Variants in PCDHGB3 observed in about 807,000 individuals in gnomAD.
The protein encoded by PCDHGB3 is protocadherin gamma subfamily B, 3.
A neutral mutation model predicts 59.2 loss-of-function variants in PCDHGB3; 40 were observed. The ratio of observed to expected loss-of-function variants is 0.68; its 90% CI spans 0.52 to 0.88. The LOEUF is 0.88. PCDHGB3 is among the 40% of genes least tolerant of loss of function. PCDHGB3 has a pLI of 0.00. For missense variants in PCDHGB3, 1,309 were observed against 1,187.9 expected, an observed-to-expected ratio of 1.10 and a Z score of -1.50; for synonymous variants, 581 against 503.6, an observed-to-expected ratio of 1.15 and a Z score of -2.06.
At chr5:141,437,764 A>G (rs1408729040) in intron 1 of PCDHGB3, among the ~76,000 whole-genome samples, 1 of 149,226 alleles carries the variant, frequency 6.7e-6, no homozygotes, top group Non-Finnish European at 1.5e-5. Flanking sequence ...TTTGAGACAG[A>G]GTCTCAATCT....
chr5:141,413,051 C>T (rs1316813444), intron 1 of PCDHGB3: 1 of 952,822 alleles, frequency 1.0e-6, no homozygotes, highest in African/African-American at 1.7e-5. Context: ...TGCAGGGAAG[C>T]TCACTCCAGA....
At chr5:141,411,227 G>A (rs1276536852) in intron 1 of PCDHGB3, 1 of 152,092 alleles carries the variant, frequency 6.6e-6, no homozygotes, top group Non-Finnish European at 1.5e-5. Context: ...TCAAATTTGC[G>A]AAGACTTAGT....
chr5:141,465,778 A>G (rs544366126), intron 1 of PCDHGB3, among the ~76,000 whole-genome samples: 1 of 148,538 alleles, frequency 6.7e-6, no homozygotes, highest in East Asian at 1.9e-4. Context: ...CTCTTGTTAC[A>G]GTTTTTTTTT....
chr5:141,408,863 C>T, intron 1 of PCDHGB3: 1 of 1,613,604 alleles, frequency 6.2e-7, no homozygotes, highest in Non-Finnish European at 8.5e-7. Context: ...AGGGGACCCA[C>T]CAAGAAGTGC....
chr5:141,469,213 G>C (rs866405809), intron 1 of PCDHGB3, among the ~76,000 whole-genome samples: 4 of 150,912 alleles, frequency 2.7e-5, no homozygotes, highest in African/African-American at 9.7e-5. Flanking sequence ...TGAAGTTGAG[G>C]CTTCAGTGAG....
In PCDHGB3 at chr5:141,487,161, T is replaced by C; in HGVS notation, c.2416-7646T>C. Reference sequence around the variant, plus strand: ...CTCTCTACCTCTGTTACTCTCTTAGTGTCCTTAGAGGAAGACACTCATCCA... The same window carrying C: ...CTCTCTACCTCTGTTACTCTCTTAGCGTCCTTAGAGGAAGACACTCATCCA... On this transcript the variant is annotated intron_variant, in intron 1 of 3. Coordinates refer to ENST00000576222, the MANE Select transcript of PCDHGB3 (RefSeq NM_018924.5). This position sits in a 1 kb window ranked among gnomAD's most constrained non-coding sequence, Gnocchi z 5.0. 6.2e-7 allele frequency: 1 copy of C among 1,613,528 alleles called. No homozygotes were observed.
intron 1 of PCDHGB3, among the ~76,000 whole-genome samples, chr5:141,401,288 G>A (rs973425272): frequency 1.3e-5 from 2 of 152,094 alleles, no homozygotes; most frequent in Non-Finnish European, 2.9e-5. Flanking sequence ...GTTGCGGTGA[G>A]CCGAGATCAC....
intron 1 of PCDHGB3, chr5:141,428,587 G>T: frequency 4.4e-6 from 1 of 226,768 alleles, no homozygotes; most frequent in Non-Finnish European, 8.9e-6. Context: ...AGTTTCTCTG[G>T]TAGCAAGCTT....
intron 1 of PCDHGB3, chr5:141,422,984 G>A (rs752694873): frequency 4.5e-5 from 73 of 1,614,112 alleles, no homozygotes; most frequent in Non-Finnish European, 5.9e-5. Flanking sequence ...GCGGAACCTG[G>A]CTACCTGGTG....
intron 1 of PCDHGB3, among the ~76,000 whole-genome samples, chr5:141,406,353 T>G (rs1380718525): frequency 6.6e-6 from 1 of 152,196 alleles, no homozygotes; most frequent in Admixed American, 6.5e-5. Context: ...CAGGTCATAC[T>G]ATGTTTGTAA....
intron 1 of PCDHGB3, among the ~76,000 whole-genome samples, chr5:141,453,692 C>G (rs1182118927): frequency 6.6e-6 from 1 of 152,146 alleles, no homozygotes; most frequent in African/African-American, 2.4e-5. Flanking sequence ...GTAGGTAGTC[C>G]TGGCTTTGAA....
chr5:141,410,103 A>G, intron 1 of PCDHGB3: 1 of 1,612,622 alleles, frequency 6.2e-7, no homozygotes, highest in South Asian at 1.1e-5. Flanking sequence ...GCCTTAGGCG[A>G]CAGGGACGCA....
At position 141,420,290 on chromosome 5, in the gene PCDHGB3, T is replaced by C. The variant is rs563124810; in HGVS notation, c.2415+47481T>C. 1.3e-5 allele frequency: 19 copies of C among 1,496,908 alleles called. No individual in the cohort carries two copies. The East Asian group carries it at 3.9e-4, about 30-fold the overall frequency. 92.7% of individuals were successfully genotyped at this position (1,496,908 alleles called of 1,614,324 possible). A position where few individuals can be genotyped will look rare whatever the true frequency, so the allele number is the denominator to read the frequency against. ...TCTTAAACAGGTAAGTATTTAAAAA[T>C]GTATTTAATCCTTTTTATATTACAA... On this transcript the variant is annotated intron_variant, in intron 1 of 3. Transcript: ENST00000576222.
At chr5:141,405,907 T>C (rs1471568204) in intron 1 of PCDHGB3, among the ~76,000 whole-genome samples, 2 of 152,218 alleles carry the variant, frequency 1.3e-5, no homozygotes, top group Non-Finnish European at 2.9e-5. Context: ...AGGAGGCATT[T>C]ATTAGTTATA....
rs767291767 is a variant in PCDHGB3, at chr5:141,487,668, T to C, written c.2416-7139T>C. ...CTTGAGGGTTATTCTGATCCAGGCA[T>C]ATGGCTAGGCCATGTCCTAGAGAGT... is the stretch of plus-strand genomic sequence containing the variant. On this transcript the variant is annotated intron_variant, in intron 1 of 3. Transcript: ENST00000576222. The surrounding 1 kb of genome is among the most constrained non-coding windows in gnomAD (Gnocchi z 5.0). 1.9e-6 allele frequency: 3 copies of C among 1,612,658 alleles called. No homozygotes were observed. Among genetic ancestry groups the C allele is most frequent in the South Asian group, 1.1e-5 (1 of 90,650 alleles).
chr5:141,383,475 G>A (rs762489709), intron 1 of PCDHGB3: 1 of 1,613,594 alleles, frequency 6.2e-7, no homozygotes, highest in African/African-American at 1.3e-5. Flanking sequence ...CTAAGTACCC[G>A]GAACTGGTGC....
At chr5:141,504,511 CTCTGATAT>C (rs2099838890) in intron 2 of PCDHGB3, among the ~76,000 whole-genome samples, 1 of 151,902 alleles carries the variant, frequency 6.6e-6, no homozygotes, top group Non-Finnish European at 1.5e-5. Flanking sequence ...AGTGGATCTC[CTCTGATAT>C]ATTTTATTCG....
At chr5:141,394,239 G>A (rs530540432) in intron 1 of PCDHGB3, 1 of 1,613,868 alleles carries the variant, frequency 6.2e-7, no homozygotes, top group South Asian at 1.1e-5. Flanking sequence ...TTCCTTGACT[G>A]CACACGACCC....
intron 1 of PCDHGB3, chr5:141,374,738 G>C (rs1454843423): frequency 4.3e-6 from 7 of 1,611,282 alleles, no homozygotes; most frequent in East Asian, 2.2e-5. Flanking sequence ...GGATGGCGGC[G>C]ACCCTGTCCG....
Sources: allele counts gnomAD v4.1 joint callset (sites outside exome capture counted in the v4.1 genomes callset), GRCh38; gene constraint gnomAD v4.1.1; non-coding constraint Gnocchi (gnomAD v3.1); transcripts MANE v1.5; gene names NCBI Gene and HGNC (gene_info 2026-07-23, HGNC 2026-07-21).